PCDHGB6: variants seen among roughly 807,000 people sequenced by gnomAD.
The protein encoded by PCDHGB6 is protocadherin gamma-B6.
PCDHGB6 carries 51 observed loss-of-function variants against 59.1 expected under a neutral mutation model. The ratio of observed to expected loss-of-function variants is 0.86; its 90% CI spans 0.69 to 1.09. PCDHGB6 has a LOEUF of 1.09. Ranked by LOEUF, PCDHGB6 falls within the 50% of genes least tolerant of loss-of-function variation. The pLI is 0.00. For synonymous variants in PCDHGB6, 466 were observed against 495.1 expected, an observed-to-expected ratio of 0.94 and a Z score of 0.78; for missense variants, 1,148 against 1,205.1, an observed-to-expected ratio of 0.95 and a Z score of 0.70.
intron 1 of PCDHGB6, chr5:141,423,202 G>T: frequency 6.2e-7 from 1 of 1,613,618 alleles, no homozygotes; most frequent in Non-Finnish European, 8.5e-7. Flanking sequence ...CTCGGCCACC[G>T]TCACGCTCAC....
intron 2 of PCDHGB6, among the ~76,000 whole-genome samples, chr5:141,500,254 G>A (rs1260325865): frequency 1.3e-5 from 2 of 150,426 alleles, no homozygotes; most frequent in Non-Finnish European, 3.0e-5. Context: ...TGTCACCCAG[G>A]CTGGACTGCA....
intron 3 of PCDHGB6, among the ~76,000 whole-genome samples, chr5:141,506,012 T>C (rs2099850012): frequency 6.6e-6 from 1 of 152,208 alleles, no homozygotes; most frequent in Non-Finnish European, 1.5e-5. Context: ...CCTCTTTTGC[T>C]GCCCCTAACT....
chr5:141,433,374 T>A (rs948922353), intron 1 of PCDHGB6, among the ~76,000 whole-genome samples: 36 of 150,958 alleles, frequency 2.4e-4, no homozygotes, highest in African/African-American at 8.6e-4. Flanking sequence ...TATCTATCTA[T>A]CTATCTATCT....
At position 141,489,090 on chromosome 5, in the gene PCDHGB6, C is replaced by A; in HGVS notation, c.2419-5717C>A. On this transcript the variant is annotated intron_variant, in intron 1 of 3. Transcript: ENST00000520790. The surrounding 1 kb of genome is among the most constrained non-coding windows in gnomAD (Gnocchi z 4.5). Reference sequence around the variant, plus strand: ...CCTGCCCACCCCCGCCACTCGGTGACTAAGAACTGCTGCAAGCAGGCAAAC... The same window carrying A: ...CCTGCCCACCCCCGCCACTCGGTGAATAAGAACTGCTGCAAGCAGGCAAAC... The A allele has an allele frequency of 1.5e-5, 5 of 328,802 alleles. No individual in the cohort carries two copies. The highest frequency in any genetic ancestry group is 4.8e-5 in the East Asian group (1 of 20,928). 20.4% of individuals were successfully genotyped at this position (328,802 alleles called of 1,614,324 possible).
In PCDHGB6 at chr5:141,422,843, G is replaced by C. The variant is rs778670588; in HGVS notation, c.2418+12223G>C. 1.9e-6 allele frequency: 3 copies of C among 1,614,234 alleles called. No homozygotes were observed. In the East Asian group the frequency reaches 6.7e-5, roughly 36 times the overall value. ...CTGAGAGTGATAGCACGTGACAGCG[G>C]GGACCCGCCCCTCAGCAGCAACGTG... is the stretch of plus-strand genomic sequence containing the variant. On this transcript the variant is annotated intron_variant, in intron 1 of 3. Coordinates refer to ENST00000520790, the MANE Select transcript of PCDHGB6 (RefSeq NM_018926.3).
chr5:141,417,732 C>T (rs2096153715), intron 1 of PCDHGB6: 4 of 1,390,342 alleles, frequency 2.9e-6, no homozygotes, highest in Admixed American at 2.8e-5. Context: ...AGACCTTGCC[C>T]AGCACACCAG....
Position 141,476,876 on chromosome 5 carries a change from C to A in PCDHGB6, c.2419-17931C>A, listed in dbSNP as rs1201654822. 1.2e-6 allele frequency: 2 copies of A among 1,613,994 alleles called. No individual in the cohort carries two copies. Among genetic ancestry groups the A allele is most frequent in the Non-Finnish European group, 1.7e-6 (2 of 1,180,048 alleles). ...CCAGTCCTTGTACCGGGCGCGCGTC[C>A]TGGAGGATGCACCCTCCGGCACGCG... On this transcript the variant is annotated intron_variant, in intron 1 of 3. Transcript: ENST00000520790. The surrounding 1 kb of genome is among the most constrained non-coding windows in gnomAD (Gnocchi z 7.6).
chr5:141,489,126 T>G lies in PCDHGB6; in HGVS notation c.2419-5681T>G. 31 of 585,108 alleles carry G rather than the reference T, an allele frequency of 5.3e-5. No homozygotes were observed. Among genetic ancestry groups the G allele is most frequent in the South Asian group, 1.3e-4 (4 of 31,402 alleles). 36.2% of individuals were successfully genotyped at this position (585,108 alleles called of 1,614,324 possible). On this transcript the variant is annotated intron_variant, in intron 1 of 3. Transcript: ENST00000520790. The surrounding 1 kb of genome is among the most constrained non-coding windows in gnomAD (Gnocchi z 4.5). ...TGCAAGCAGGCAAACCTCCGAGCAG[T>G]TTTTAAGAGGCTGGAAGGAGACATA...
rs747671382 is a variant in PCDHGB6 at position 141,444,152 on chromosome 5, A to ATTTTTTT, written c.2418+33562_2418+33568dup. On this transcript the variant is annotated intron_variant, in intron 1 of 3. Coordinates refer to ENST00000520790, the MANE Select transcript of PCDHGB6 (RefSeq NM_018926.3). ...GATATGTGTCACTTGTGTGTACTGG[A>ATTTTTTT]TTTTTTTTTTTTTTTTTTTTTTTTT... Among the ~76,000 whole-genome samples, 8 of 33,896 alleles carry ATTTTTTT rather than the reference A, an allele frequency of 2.4e-4. 2 individuals are homozygous for ATTTTTTT. The highest frequency in any genetic ancestry group is 2.1e-3 in the South Asian group (2 of 962). 22.2% of individuals were successfully genotyped at this position (33,896 alleles called of 152,430 possible).
intron 1 of PCDHGB6, among the ~76,000 whole-genome samples, chr5:141,472,015 T>C (rs2099269555): frequency 6.6e-6 from 1 of 152,164 alleles, no homozygotes; most frequent in African/African-American, 2.4e-5. Flanking sequence ...AGGGGCACTA[T>C]ATTGTATGTA....
Position 141,511,256 on chromosome 5 carries a change from TTCAGGGC to T in PCDHGB6, c.*85_*91del. 6.4e-7 allele frequency: 1 copy of T among 1,563,506 alleles called. No individual in the cohort carries two copies. Among genetic ancestry groups the T allele is most frequent in the Non-Finnish European group, 8.7e-7 (1 of 1,154,422 alleles). The stretch of plus-strand genomic sequence containing the variant: ...CTTACCTGCACCCAGGCCTCAGAGT[TTCAGGGC>T]TAACCCCCAGAATACTGGTAGGGGC... On this transcript the variant is annotated 3_prime_UTR_variant, in exon 4 of 4. Coordinates refer to ENST00000520790, the MANE Select transcript of PCDHGB6 (RefSeq NM_018926.3).
In PCDHGB6 at chr5:141,451,935, A is replaced by G. The variant is rs148815534; in HGVS notation, c.2418+41315A>G. Among the ~76,000 whole-genome samples, 120 of 152,282 alleles carry G rather than the reference A, an allele frequency of 7.9e-4. 5 individuals carry two copies. The East Asian group carries it at 0.017, about 21-fold the overall frequency. ...GAGGAAGGAAGGGAGGTAGGGAGGC[A>G]GGGAAAGACCGAGAAAGTGACATAC... On this transcript the variant is annotated intron_variant, in intron 1 of 3. Coordinates refer to ENST00000520790, the MANE Select transcript of PCDHGB6 (RefSeq NM_018926.3).
intron 1 of PCDHGB6, chr5:141,415,051 C>T: frequency 3.1e-6 from 5 of 1,613,458 alleles, no homozygotes; most frequent in South Asian, 1.1e-5. Flanking sequence ...GGTGGGGGAG[C>T]ACACGGGCGA....
intron 1 of PCDHGB6, chr5:141,419,027 G>A (rs1415215066): frequency 6.2e-7 from 1 of 1,613,870 alleles, no homozygotes; most frequent in Admixed American, 1.7e-5. Flanking sequence ...AAGTAGAGGT[G>A]TTCCATTTAA....
At chr5:141,499,186 T>A (rs1332703037) in intron 2 of PCDHGB6, among the ~76,000 whole-genome samples, 2 of 152,036 alleles carry the variant, frequency 1.3e-5, no homozygotes, top group Non-Finnish European at 2.9e-5. Context: ...AGCAAACCAT[T>A]TCCCCCTTCT....
chr5:141,478,499 G>A (rs77463374), intron 1 of PCDHGB6: 18 of 1,612,728 alleles, frequency 1.1e-5, no homozygotes, highest in African/African-American at 2.7e-5. Context: ...CTGTGATCCG[G>A]TGTTCTATAG....
chr5:141,413,981 C>T (rs563161887), intron 1 of PCDHGB6: 52 of 1,613,334 alleles, frequency 3.2e-5, no homozygotes, highest in African/African-American at 5.3e-5. Context: ...CTGACAGTCA[C>T]AGCCACCGAC....
At chr5:141,509,094 T>C (rs1038935185) in intron 3 of PCDHGB6, among the ~76,000 whole-genome samples, 4 of 152,152 alleles carry the variant, frequency 2.6e-5, no homozygotes, top group African/African-American at 9.7e-5. Context: ...AAATGGGGGC[T>C]GTAGAAACCT....
rs1363891858 is a variant in PCDHGB6, at chr5:141,491,369, C to T, written c.2419-3438C>T. 8.7e-6 allele frequency: 14 copies of T among 1,614,110 alleles called. No homozygotes were observed. Among genetic ancestry groups the T allele is most frequent in the East Asian group, 2.2e-5 (1 of 44,866 alleles). On this transcript the variant is annotated intron_variant, in intron 1 of 3. Coordinates refer to ENST00000520790, the MANE Select transcript of PCDHGB6 (RefSeq NM_018926.3). The surrounding 1 kb of genome is among the most constrained non-coding windows in gnomAD (Gnocchi z 6.9). ...AGTCTCTTATCCCTAGTCACCTTCACCTTTCTGTCAGCGAAGTGCCTTCAG... is the reference window on the plus strand; with the variant it reads ...AGTCTCTTATCCCTAGTCACCTTCATCTTTCTGTCAGCGAAGTGCCTTCAG...
Sources: gnomAD v4.1 joint callset for allele counts (sites outside exome capture counted in the v4.1 genomes callset) on GRCh38, gnomAD v4.1.1 for gene constraint, Gnocchi (gnomAD v3.1) non-coding constraint, MANE v1.5 for transcripts, NCBI Gene and HGNC (gene_info 2026-07-23, HGNC 2026-07-21) for gene names.